SPAG17: variants seen among roughly 807,000 people sequenced by gnomAD.
The protein encoded by SPAG17 is sperm associated antigen 17, also known as sperm-associated antigen 17.
In SPAG17, 169 loss-of-function variants were observed where a neutral mutation model predicts 273.6. That is an observed-to-expected ratio of 0.62 (90% CI 0.55 to 0.70). SPAG17 has a LOEUF of 0.70. SPAG17 is among the 30% of genes least tolerant of loss of function. The pLI is 0.00. For synonymous variants in SPAG17, 825 were observed against 873.2 expected (o/e 0.94, Z 0.97); for missense variants, 2,557 against 2,627.8 (o/e 0.97, Z 0.59).
intron 38 of SPAG17, among the ~76,000 whole-genome samples, chr1:117,988,567 C>G (rs930749128): frequency 6.6e-5 from 10 of 151,916 alleles, no homozygotes; most frequent in Admixed American, 5.2e-4. Context: ...TTCCTGTTCC[C>G]GAATCTAAGA....
intron 32 of SPAG17, among the ~76,000 whole-genome samples, chr1:118,002,999 G>T (rs889578173): frequency 6.6e-6 from 1 of 152,136 alleles, no homozygotes; most frequent in Non-Finnish European, 1.5e-5. Context: ...CTTCCTTCGG[G>T]TGCTCTTGTA....
intron 8 of SPAG17, 111 bp downstream of exon 8, chr1:118,093,045 G>A: frequency 8.7e-7 from 1 of 1,152,176 alleles, no homozygotes; most frequent in Non-Finnish European, 1.2e-6. Context: ...TAGGCAGTAT[G>A]ACCTTAATGT....
At chr1:117,973,382 A>G in intron 44 of SPAG17, 43 bp downstream of exon 44, 1 of 1,592,592 alleles carries the variant, frequency 6.3e-7, no homozygotes. Context: ...ATTCCATCAA[A>G]TGCTGATTGG....
rs1487050088 is a variant in SPAG17, at chr1:117,988,097, T to A, written c.5621+8A>T. ...TACTAATTAGAACACATTATTGGAT[T>A]AGCTTACCTCCATGTCTTTTCAAAG... On this transcript the variant is annotated splice_region_variant and intron_variant, in intron 39 of 48. Transcript: ENST00000336338. The A allele has an allele frequency of 6.3e-7, 1 of 1,589,472 alleles. No homozygotes were observed. Among genetic ancestry groups the A allele is most frequent in the African/African-American group, 1.4e-5 (1 of 73,898 alleles).
chr1:118,179,475 A>G (rs1660844026), intron 1 of SPAG17, among the ~76,000 whole-genome samples: 1 of 152,120 alleles, frequency 6.6e-6, no homozygotes. Context: ...TAATACCTGA[A>G]ACTATGAAAT....
intron 20 of SPAG17, among the ~76,000 whole-genome samples, chr1:118,042,987 G>A (rs564607490): frequency 5.3e-4 from 81 of 152,216 alleles, no homozygotes; most frequent in African/African-American, 1.8e-3. Flanking sequence ...GCTCACAAAT[G>A]AAAATCACAA....
intron 24 of SPAG17, among the ~76,000 whole-genome samples, chr1:118,032,554 C>G (rs1359551): frequency 0.28 from 42,996 of 151,542 alleles, 7,367 homozygotes; most frequent in East Asian, 0.42. Flanking sequence ...CCTCTACTTA[C>G]TCTTTTGTCA....
intron 3 of SPAG17, among the ~76,000 whole-genome samples, chr1:118,144,452 A>C (rs1327166838): frequency 6.6e-6 from 1 of 152,008 alleles, no homozygotes; most frequent in African/African-American, 2.4e-5. Flanking sequence ...TGCCTCCAAA[A>C]CCCAGATTTT....
At chr1:118,026,918 A>C (rs1046142233) in intron 26 of SPAG17, among the ~76,000 whole-genome samples, 20 of 152,152 alleles carry the variant, frequency 1.3e-4, no homozygotes, top group Non-Finnish European at 2.9e-4. Context: ...TTCAGACTTG[A>C]ATTAGGATTT....
intron 3 of SPAG17, among the ~76,000 whole-genome samples, chr1:118,143,745 G>A (rs1313085857): frequency 6.6e-6 from 1 of 152,182 alleles, no homozygotes; most frequent in African/African-American, 2.4e-5. Context: ...CAATCCTGGT[G>A]TCTGTAGAGT....
chr1:118,091,683 A>G lies in SPAG17; in HGVS notation c.1282T>C (p.Tyr428His). Residue 428 changes from tyrosine (Y) to histidine (H), a missense_variant, in exon 10 of 49, where the codon TAT becomes CAT. Transcript: ENST00000336338. ...SVITTEVDMR[Y>H]YNYLLNPIRE... The stretch of plus-strand genomic sequence containing the variant: ...ATTGGATTCAGCAAATAATTGTAAT[A>G]TCTCATGTCTACTTCAGTTGTGATG... 1 of 1,611,810 alleles carries G rather than the reference A, an allele frequency of 6.2e-7. No individual in the cohort carries two copies. Among genetic ancestry groups the G allele is most frequent in the Non-Finnish European group, 8.5e-7 (1 of 1,178,162 alleles).
intron 1 of SPAG17, among the ~76,000 whole-genome samples, chr1:118,178,982 A>C (rs1427974421): frequency 1.3e-5 from 2 of 152,098 alleles, no homozygotes; most frequent in Non-Finnish European, 2.9e-5. Flanking sequence ...AAGATATCCC[A>C]TGCTCATGGA....
intron 32 of SPAG17, among the ~76,000 whole-genome samples, chr1:118,002,246 C>T (rs549793344): frequency 1.4e-4 from 22 of 152,016 alleles, no homozygotes; most frequent in African/African-American, 4.6e-4. Context: ...CTTCCAATTA[C>T]GTGGTCAATT....
In SPAG17 at chr1:118,147,941, T is replaced by C. The variant is rs537737965; in HGVS notation, c.315+2602A>G. Among the ~76,000 whole-genome samples, 244 of 152,298 alleles carry C rather than the reference T, an allele frequency of 1.6e-3. 2 individuals are homozygous for C. Among genetic ancestry groups the C allele is most frequent in the African/African-American group, 5.7e-3 (236 of 41,582 alleles). ...CTAGGAAACCAGAAAGCCTAATTGA[T>C]TAAAATTGTGTTTAAAATAAGAATA... On this transcript the variant is annotated intron_variant, in intron 3 of 48. Transcript: ENST00000336338.
At chr1:118,041,316 G>A (rs1272135351) in intron 21 of SPAG17, among the ~76,000 whole-genome samples, 2 of 152,170 alleles carry the variant, frequency 1.3e-5, no homozygotes, top group South Asian at 2.1e-4. Context: ...ACAAAGCACA[G>A]GGGATGTTAG....
At chr1:118,043,333 C>T (rs1014510239) in intron 20 of SPAG17, among the ~76,000 whole-genome samples, 5 of 152,120 alleles carry the variant, frequency 3.3e-5, no homozygotes, top group South Asian at 2.1e-4. Context: ...ATTGGTGTAT[C>T]GGACCTAGCT....
intron 38 of SPAG17, 102 bp from the exon 39 acceptor site, chr1:117,988,306 T>C (rs1392298504): frequency 2.7e-6 from 2 of 742,662 alleles, no homozygotes; most frequent in African/African-American, 1.8e-5. Context: ...AGAGCCTATA[T>C]AGTTAATCTA....
At chr1:118,115,133 AT>A (rs1373337627) in intron 4 of SPAG17, among the ~76,000 whole-genome samples, 176 bp downstream of exon 4, 1 of 152,138 alleles carries the variant, frequency 6.6e-6, no homozygotes, top group African/African-American at 2.4e-5. Context: ...TAATGGGTTT[AT>A]CATAATTCCT....
intron 29 of SPAG17, 41 bp downstream of exon 29, chr1:118,015,924 A>G (rs1488858513): frequency 6.3e-7 from 1 of 1,579,252 alleles, no homozygotes; most frequent in Non-Finnish European, 8.7e-7. Flanking sequence ...CAGAATACTA[A>G]TGACTTAGAA....
Sources: allele counts gnomAD v4.1 joint callset (sites outside exome capture counted in the v4.1 genomes callset), GRCh38; gene constraint gnomAD v4.1.1; transcripts MANE v1.5; gene names NCBI Gene and HGNC (gene_info 2026-07-23, HGNC 2026-07-21).